The following NUDT14 variants were observed in gnomAD, a reference collection of about 807,000 sequenced individuals.
NUDT14 encodes the protein nudix hydrolase 14.
NUDT14 carries 22 observed loss-of-function variants against 17.5 expected under a neutral mutation model. The ratio of observed to expected loss-of-function variants is 1.26; its 90% CI spans 0.90 to 1.80. The LOEUF (loss-of-function observed/expected upper bound fraction) is 1.80. Ranked by LOEUF, NUDT14 falls within the 40% of genes most tolerant of loss-of-function variation. NUDT14 has a pLI of 0.00. For missense variants in NUDT14, 296 were observed against 295.6 expected, an observed-to-expected ratio of 1.00 and a Z score of -0.01; for synonymous variants, 129 against 125.8, an observed-to-expected ratio of 1.03 and a Z score of -0.17.
In NUDT14 at chr14:105,173,470, G is replaced by A. The variant is rs1400792338; in HGVS notation, c.429-209C>T. The A allele has an allele frequency of 1.6e-5, 7 of 443,008 alleles. No individual in the cohort carries two copies. The highest frequency in any genetic ancestry group is 1.4e-4 in the East Asian group (4 of 28,072). The allele number at this position is 443,008 out of a possible 1,614,324, so 27.4% of individuals were successfully genotyped here. On this transcript the variant is annotated intron_variant, in intron 4 of 4. Transcript: ENST00000392568. This position sits in a 1 kb window ranked among gnomAD's most constrained non-coding sequence, Gnocchi z 4.7. ...AGCAGGGCATCCCTTCCCTGATCACGTTGTACTCGCCAGGTGGGGTGGGTG... is the reference window on the plus strand; with the variant it reads ...AGCAGGGCATCCCTTCCCTGATCACATTGTACTCGCCAGGTGGGGTGGGTG...
chr14:105,173,128 C>T lies in NUDT14; in HGVS notation c.562G>A (p.Gly188Ser). 1 of 1,607,666 alleles carries T rather than the reference C, an allele frequency of 6.2e-7. No individual in the cohort carries two copies. Among genetic ancestry groups the T allele is most frequent in the South Asian group, 1.1e-5 (1 of 90,292 alleles). The change falls in exon 5 of 5, where the codon GGC becomes AGC. Residue 188 changes from glycine (G) to serine (S), a missense_variant. By Grantham distance (56) the Gly-to-Ser change is moderately conservative. Transcript: ENST00000392568. This position sits in a 1 kb window ranked among gnomAD's most constrained non-coding sequence, Gnocchi z 4.7. The stretch of plus-strand genomic sequence containing the variant: ...GGGTCGTCTGCAAAGGCCTGGGCGC[C>T]TTCCAGGGGCAGGTGCACCACCTCA... Reference protein sequence around the residue: ...LIEVVHLPLEGAQAFADDPDI... With the variant: ...LIEVVHLPLESAQAFADDPDI...
Position 105,181,241 on chromosome 14 carries a change from TCTGCGGGGG to T in NUDT14, c.-41_-33del. ...GCCCGGACAGGCGGGGGCCGCGAGCTCTGCGGGGGCCGACACGGGGCGGCGCCCTGTCCC... is the reference window on the plus strand; with the variant it reads ...GCCCGGACAGGCGGGGGCCGCGAGCTCCGACACGGGGCGGCGCCCTGTCCC... On this transcript the variant is annotated 5_prime_UTR_variant, in exon 1 of 5. Transcript: ENST00000392568. This position sits in a 1 kb window ranked among gnomAD's most constrained non-coding sequence, Gnocchi z 5.0. 8.8e-6 allele frequency: 2 copies of T among 227,764 alleles called. No homozygotes were observed. Among genetic ancestry groups the T allele is most frequent in the African/African-American group, 8.8e-5 (1 of 11,300 alleles). 14.1% of individuals were successfully genotyped at this position (227,764 alleles called of 1,614,324 possible). A position where few individuals can be genotyped will look rare whatever the true frequency, so the allele number is the denominator to read the frequency against.
intron 4 of NUDT14, among the ~76,000 whole-genome samples, chr14:105,174,994 C>T (rs1441766661): frequency 6.6e-6 from 1 of 152,250 alleles, no homozygotes; most frequent in Non-Finnish European, 1.5e-5. Flanking sequence ...GCAGCATCTC[C>T]AGTCCTGCAT....
chr14:105,181,253 G>A lies in NUDT14; in HGVS notation c.-44C>T, dbSNP rs1889323907. On this transcript the variant is annotated 5_prime_UTR_variant, in exon 1 of 5. Transcript: ENST00000392568. The surrounding 1 kb of genome is among the most constrained non-coding windows in gnomAD (Gnocchi z 5.0). ...GGGGGCCGCGAGCTCTGCGGGGGCC[G>A]ACACGGGGCGGCGCCCTGTCCCGAC... The A allele has an allele frequency of 1.3e-6, 1 of 752,144 alleles. No individual in the cohort carries two copies. Among genetic ancestry groups the A allele is most frequent in the Non-Finnish European group, 1.7e-6 (1 of 591,658 alleles). 46.6% of individuals were successfully genotyped at this position (752,144 alleles called of 1,614,324 possible).
chr14:105,177,108 G>T, intron 2 of NUDT14, 81 bp from the exon 3 acceptor site: 1 of 1,370,720 alleles, frequency 7.3e-7, no homozygotes, highest in Non-Finnish European at 1.0e-6. Context: ...TCTGTTCCCA[G>T]CGTGGCCATC....
At position 105,176,965 on chromosome 14, in the gene NUDT14, G is replaced by A. The variant is rs865814141; in HGVS notation, c.188C>T (p.Pro63Leu). ...CTTCCCACCCCAGCTGGCCTCACCT[G>A]GCCGGAACTGCTTCACCAACACCAG... ...RSLVLVKQFR[P>L]AVYAGEVERR... Residue 63 changes from proline to leucine, a missense_variant and splice_region_variant, in exon 3 of 5, where the codon CCA becomes CTA. Coordinates refer to ENST00000392568, the MANE Select transcript of NUDT14 (RefSeq NM_177533.5). 5 of 1,611,810 alleles carry A rather than the reference G, an allele frequency of 3.1e-6. No individual in the cohort carries two copies. In the South Asian group the frequency reaches 3.3e-5, roughly 11 times the overall value.
Position 105,181,145 on chromosome 14 carries a change from G to A in NUDT14, c.65C>T (p.Thr22Met). 8.7e-7 allele frequency: 1 copy of A among 1,144,358 alleles called. No individual in the cohort carries two copies. The highest frequency in any genetic ancestry group is 1.1e-6 in the Non-Finnish European group (1 of 926,806). The allele number at this position is 1,144,358 out of a possible 1,614,324, so 70.9% of individuals were successfully genotyped here. The change falls in exon 1 of 5, where the codon ACG (threonine) becomes ATG (methionine). Residue 22 changes from threonine to methionine, a missense_variant. Thr to Met is a moderately conservative substitution (Grantham distance 81). Transcript: ENST00000392568. The surrounding 1 kb of genome is among the most constrained non-coding windows in gnomAD (Gnocchi z 5.0). The part of the protein sequence containing the change: ...CAASPYLRPL[T>M]LHYRQNGAQK... Reference sequence around the variant, plus strand: ...CGGGCTCACCTGGCGGTAATGCAGCGTGAGCGGCCGCAGGTAGGGTGAGGC... The same window carrying A: ...CGGGCTCACCTGGCGGTAATGCAGCATGAGCGGCCGCAGGTAGGGTGAGGC...
At chr14:105,177,787 C>A in intron 1 of NUDT14, 52 bp from the exon 2 acceptor site, 1 of 1,583,778 alleles carries the variant, frequency 6.3e-7, no homozygotes, top group South Asian at 1.1e-5. Context: ...CGGAGGTGCT[C>A]GGGGAACCGA....
chr14:105,177,945 C>T (rs10140111), intron 1 of NUDT14, among the ~76,000 whole-genome samples: 1 of 151,754 alleles, frequency 6.6e-6, no homozygotes, highest in Admixed American at 6.6e-5. Context: ...TAATACCCTA[C>T]GAGTGAGGCA....
chr14:105,177,896 G>A (rs1889250680), intron 1 of NUDT14, 161 bp from the exon 2 acceptor site: 2 of 630,500 alleles, frequency 3.2e-6, no homozygotes, highest in South Asian at 3.7e-5. Flanking sequence ...GGGCAGAGGA[G>A]CAAGCAGCCT....
intron 4 of NUDT14, among the ~76,000 whole-genome samples, chr14:105,174,528 TC>T (rs1310436614): frequency 6.6e-6 from 1 of 151,902 alleles, no homozygotes; most frequent in Non-Finnish European, 1.5e-5. Context: ...CCCCAAGGCC[TC>T]CCCACCTCCG....
At chr14:105,177,106 C>A in intron 2 of NUDT14, 79 bp from the exon 3 acceptor site, 1 of 1,380,224 alleles carries the variant, frequency 7.2e-7, no homozygotes, top group East Asian at 2.5e-5. Flanking sequence ...TTTCTGTTCC[C>A]AGCGTGGCCA....
chr14:105,176,969 G>T lies in NUDT14; in HGVS notation c.184C>A (p.Arg62=). Residue 62 remains arginine (R), a synonymous_variant, in exon 3 of 5, where the codon CGG becomes AGG. Transcript: ENST00000392568. ...RRSLVLVKQF[R]PAVYAGEVER... ...CCACCCCAGCTGGCCTCACCTGGCC[G>T]GAACTGCTTCACCAACACCAGGCTC... 1 of 1,611,650 alleles carries T rather than the reference G, an allele frequency of 6.2e-7. No individual in the cohort carries two copies. The highest frequency in any genetic ancestry group is 2.2e-5 in the East Asian group (1 of 44,818).
chr14:105,172,975 G>A lies in NUDT14; in HGVS notation c.*46C>T, dbSNP rs1285127730. The A allele has an allele frequency of 2.7e-6, 4 of 1,462,310 alleles. No homozygotes were observed. The African/African-American group carries it at 4.3e-5, about 16-fold the overall frequency. 90.6% of individuals were successfully genotyped at this position (1,462,310 alleles called of 1,614,324 possible). A position where few individuals can be genotyped will look rare whatever the true frequency, so the allele number is the denominator to read the frequency against. On this transcript the variant is annotated 3_prime_UTR_variant, in exon 5 of 5. Coordinates refer to ENST00000392568, the MANE Select transcript of NUDT14 (RefSeq NM_177533.5). The stretch of plus-strand genomic sequence containing the variant: ...AAGCCTTTATTGGGGTCCGCGGGGT[G>A]TGGGGTGAGTGGCCAAGACTGGCCT...
chr14:105,176,940 CT>C, intron 3 of NUDT14, 22 bp downstream of exon 3: 1 of 1,609,538 alleles, frequency 6.2e-7, no homozygotes, highest in Non-Finnish European at 8.5e-7. Flanking sequence ...TGCAGATCCC[CT>C]TCCCACCCCA....
rs369128988 is a variant in NUDT14 at position 105,176,582 on chromosome 14, C to T, written c.380G>A (p.Cys127Tyr). 1.5e-5 allele frequency: 24 copies of T among 1,612,636 alleles called. No individual in the cohort carries two copies. The highest frequency in any genetic ancestry group is 2.2e-5 in the South Asian group (2 of 91,092). The stretch of plus-strand genomic sequence containing the variant: ...ATCAGAGGGGGCCAAGTGGTAGCCA[C>T]ACTCCTCCCAAGCCTCCTTGCAAGC... Reference protein sequence around the residue: ...EVACKEAWEECGYHLAPSDLR... With the variant: ...EVACKEAWEEYGYHLAPSDLR... Residue 127 changes from cysteine to tyrosine, a missense_variant, in exon 4 of 5, where the codon TGT becomes TAT. Cys to Tyr is a radical substitution (Grantham distance 194). Transcript: ENST00000392568.
Position 105,181,270 on chromosome 14 carries a change from T to C in NUDT14, c.-61A>G, listed in dbSNP as rs992469255. The C allele has an allele frequency of 7.7e-6, 5 of 645,596 alleles. No individual in the cohort carries two copies. Among genetic ancestry groups the C allele is most frequent in the East Asian group, 7.2e-5 (1 of 13,938 alleles). 40.0% of individuals were successfully genotyped at this position (645,596 alleles called of 1,614,324 possible). The stretch of plus-strand genomic sequence containing the variant: ...CGGGGGCCGACACGGGGCGGCGCCC[T>C]GTCCCGACAGGAGCCTTCGGGCGGG... On this transcript the variant is annotated 5_prime_UTR_variant, in exon 1 of 5. Transcript: ENST00000392568. The surrounding 1 kb of genome is among the most constrained non-coding windows in gnomAD (Gnocchi z 5.0).
intron 4 of NUDT14, among the ~76,000 whole-genome samples, chr14:105,175,023 C>T (rs1040420974): frequency 2.0e-5 from 3 of 152,218 alleles, no homozygotes; most frequent in Non-Finnish European, 4.4e-5. Context: ...CCACGGCCTG[C>T]TCTTCCCGAT....
In NUDT14 at chr14:105,173,011, C is replaced by T. The variant is rs370683116; in HGVS notation, c.*10G>A. ...GGCCAAGACTGGCCTCTGTCTAGAA[C>T]CCTGGAGTCTCACTGGAGATCCAGG... On this transcript the variant is annotated 3_prime_UTR_variant, in exon 5 of 5. Coordinates refer to ENST00000392568, the MANE Select transcript of NUDT14 (RefSeq NM_177533.5). This position sits in a 1 kb window ranked among gnomAD's most constrained non-coding sequence, Gnocchi z 4.7. 5.3e-6 allele frequency: 8 copies of T among 1,508,600 alleles called. No individual in the cohort carries two copies. The highest frequency in any genetic ancestry group is 2.7e-5 in the South Asian group (2 of 74,140). 93.5% of individuals were successfully genotyped at this position (1,508,600 alleles called of 1,614,324 possible).
Sources: gnomAD v4.1 joint callset for allele counts (sites outside exome capture counted in the v4.1 genomes callset) on GRCh38, gnomAD v4.1.1 for gene constraint, Gnocchi (gnomAD v3.1) non-coding constraint, MANE v1.5 for transcripts, NCBI Gene and HGNC (gene_info 2026-07-23, HGNC 2026-07-21) for gene names.